MGAT4C: variants seen among roughly 807,000 people sequenced by gnomAD.
MGAT4C encodes MGAT4 family member C.
MGAT4C carries 19 observed loss-of-function variants against 40.1 expected under a neutral mutation model. The observed-to-expected ratio is 0.47, with a 90% CI of 0.33 to 0.70. MGAT4C has a LOEUF of 0.70. Among genes scored for constraint, MGAT4C ranks in the 30% least tolerant of loss-of-function variants. MGAT4C has a pLI of 0.02. For synonymous variants in MGAT4C, 181 were observed against 187.1 expected (o/e 0.97, Z 0.27); for missense variants, 491 against 563.2 (o/e 0.87, Z 1.30).
chr12:86,154,831 C>T (rs1200636814), intron 1 of MGAT4C, among the ~76,000 whole-genome samples: 1 of 152,038 alleles, frequency 6.6e-6, no homozygotes, highest in Non-Finnish European at 1.5e-5. Flanking sequence ...TGAGAGCTTC[C>T]CACGTGCCTG....
At chr12:86,345,205 C>A (rs985903860) in intron 3 of MGAT4C, among the ~76,000 whole-genome samples, 2 of 152,016 alleles carry the variant, frequency 1.3e-5, no homozygotes, top group Admixed American at 6.6e-5. Context: ...AATCAAGCTG[C>A]ACTCACATTA....
chr12:85,980,364 T>A lies in MGAT4C; in HGVS notation c.362A>T (p.Lys121Met). ...ATAGCTGGATTGCTCAAAAATTGAC[T>A]TAATTGTCTCAAGTAAATAGTTTCC... ...KKGNYLLETI[K>M]SIFEQSSYEE... The change falls in exon 5 of 5, where the codon AAG becomes ATG. Residue 121 changes from lysine to methionine, a missense_variant. By Grantham distance (95) the Lys-to-Met change is moderately conservative (BLOSUM62 -1). Coordinates refer to ENST00000611864, the MANE Select transcript of MGAT4C (RefSeq NM_001351288.2). 6.2e-7 allele frequency: 1 copy of A among 1,613,410 alleles called. No individual in the cohort carries two copies. Among genetic ancestry groups the A allele is most frequent in the Non-Finnish European group, 8.5e-7 (1 of 1,179,726 alleles).
rs1960951663 is a variant in MGAT4C at position 86,584,994 on chromosome 12, G to C, written c.-229+142215C>G. ...TTGAGCCATGTGTATTTGTCAATTAGTGAAAATTTTTGTTCTACATGAATG... is the reference window on the plus strand; with the variant it reads ...TTGAGCCATGTGTATTTGTCAATTACTGAAAATTTTTGTTCTACATGAATG... On this transcript the variant is annotated intron_variant, in intron 2 of 7. Coordinates refer to the MGAT4C transcript ENST00000548651. Among the ~76,000 whole-genome samples, 3 of 151,266 alleles carry C rather than the reference G, an allele frequency of 2.0e-5. No homozygotes were observed. In the Admixed American group the frequency reaches 2.0e-4, roughly 10 times the overall value.
At chr12:86,257,374 G>C (rs1302986431), upstream of MGAT4C, among the ~76,000 whole-genome samples, 1 of 152,190 alleles carries the variant, frequency 6.6e-6, no homozygotes, top group Non-Finnish European at 1.5e-5. Context: ...ACTGTGAGAT[G>C]CAAGAATTAC....
intron 2 of MGAT4C, among the ~76,000 whole-genome samples, chr12:86,482,159 C>A (rs886427945): frequency 6.7e-6 from 1 of 150,352 alleles, no homozygotes; most frequent in Admixed American, 6.7e-5. Flanking sequence ...ATTTTCATAC[C>A]AAAGTATTCT....
chr12:86,422,921 A>G (rs1362084978), intron 3 of MGAT4C, among the ~76,000 whole-genome samples: 2 of 152,120 alleles, frequency 1.3e-5, no homozygotes, highest in Non-Finnish European at 2.9e-5. Flanking sequence ...AATCTTTCCC[A>G]CCAGTGTCAA....
At chr12:86,131,259 A>G (rs1881135181) in intron 1 of MGAT4C, among the ~76,000 whole-genome samples, 1 of 152,108 alleles carries the variant, frequency 6.6e-6, no homozygotes, top group Non-Finnish European at 1.5e-5. Context: ...ATGGATCTAG[A>G]AGCTGATAGT....
chr12:86,513,825 G>A (rs1373664378), intron 2 of MGAT4C, among the ~76,000 whole-genome samples: 1 of 151,986 alleles, frequency 6.6e-6, no homozygotes, highest in African/African-American at 2.4e-5. Flanking sequence ...GAGTTATATG[G>A]CATTTTAACT....
At chr12:86,653,520 T>A (rs921084619) in intron 2 of MGAT4C, among the ~76,000 whole-genome samples, 2 of 151,764 alleles carry the variant, frequency 1.3e-5, no homozygotes, top group South Asian at 4.1e-4. Flanking sequence ...GTATAAGGAG[T>A]TTTTTTAGCT....
intron 1 of MGAT4C, among the ~76,000 whole-genome samples, chr12:86,093,295 A>T (rs61931146): frequency 2.6e-5 from 4 of 152,062 alleles, no homozygotes. Flanking sequence ...TAAAGTTCTC[A>T]TATTTTTAAA....
At chr12:86,041,113 C>G (rs1891790746) in intron 2 of MGAT4C, among the ~76,000 whole-genome samples, 1 of 150,840 alleles carries the variant, frequency 6.6e-6, no homozygotes, top group African/African-American at 2.5e-5. Context: ...CAGACCGGAG[C>G]TTTTCTTATT....
intron 1 of MGAT4C, among the ~76,000 whole-genome samples, chr12:86,746,368 G>A (rs923093503): frequency 6.6e-6 from 1 of 151,542 alleles, no homozygotes; most frequent in Admixed American, 6.6e-5. Context: ...AAAGCTTTTG[G>A]TGATCTGTTA....
chr12:86,757,543 A>T (rs192918259), intron 1 of MGAT4C, among the ~76,000 whole-genome samples: 1 of 152,288 alleles, frequency 6.6e-6, no homozygotes, highest in African/African-American at 2.4e-5. Context: ...TCTCCCTGAG[A>T]TATCCCCATG....
At chr12:86,514,525 C>T (rs1030261393) in intron 2 of MGAT4C, among the ~76,000 whole-genome samples, 6 of 152,270 alleles carry the variant, frequency 3.9e-5, no homozygotes, top group South Asian at 2.1e-4. Flanking sequence ...CCCTGCATTA[C>T]TTCACTCAGT....
intron 3 of MGAT4C, among the ~76,000 whole-genome samples, chr12:86,376,680 CATT>C (rs1446259117): frequency 2.0e-5 from 3 of 151,980 alleles, no homozygotes; most frequent in Admixed American, 2.0e-4. Context: ...CAAAAATCAT[CATT>C]AACTCAATAG....
At chr12:86,411,583 T>C (rs1956605606) in intron 3 of MGAT4C, among the ~76,000 whole-genome samples, 1 of 152,204 alleles carries the variant, frequency 6.6e-6, no homozygotes, top group African/African-American at 2.4e-5. Context: ...TATGCTTATA[T>C]TTTTTAGCAA....
At chr12:86,463,363 T>C (rs1354989786) in intron 2 of MGAT4C, among the ~76,000 whole-genome samples, 1 of 152,154 alleles carries the variant, frequency 6.6e-6, no homozygotes, top group Non-Finnish European at 1.5e-5. Context: ...AAGACTATTT[T>C]AGTCATATCT....
chr12:86,438,685 T>C (rs1026216032), intron 2 of MGAT4C, among the ~76,000 whole-genome samples: 7 of 151,884 alleles, frequency 4.6e-5, no homozygotes, highest in East Asian at 1.9e-4. Context: ...ACTGTCAGAA[T>C]TGATACAGTA....
intron 1 of MGAT4C, among the ~76,000 whole-genome samples, chr12:86,088,730 A>C (rs1484887276): frequency 1.3e-5 from 2 of 152,056 alleles, no homozygotes. Context: ...TACTATTAAA[A>C]GTGCCAAAAA....
Sources: gnomAD v4.1 joint callset for allele counts (sites outside exome capture counted in the v4.1 genomes callset) on GRCh38, gnomAD v4.1.1 for gene constraint, MANE v1.5 for transcripts, NCBI Gene and HGNC (gene_info 2026-07-23, HGNC 2026-07-21) for gene names.